SH3BP4: variants seen among roughly 807,000 people sequenced by gnomAD.
The protein encoded by SH3BP4 is SH3 domain binding protein 4.
In SH3BP4, 33 loss-of-function variants were observed where a neutral mutation model predicts 65.5. That is an observed-to-expected ratio of 0.50 (90% CI 0.38 to 0.67). The LOEUF (loss-of-function observed/expected upper bound fraction) is 0.67, where lower values mean the gene tolerates loss of function less well. Ranked by LOEUF, SH3BP4 falls within the 30% of genes least tolerant of loss-of-function variation. The pLI, the probability that SH3BP4 is intolerant of heterozygous loss-of-function variation, is 0.00. For missense variants in SH3BP4, 1,134 were observed against 1,261.4 expected (o/e 0.90, Z 1.53); for synonymous variants, 552 against 545.5 (o/e 1.01, Z -0.17).
chr2:235,040,595 G>T (rs965366506), intron 3 of SH3BP4, among the ~76,000 whole-genome samples: 15 of 151,584 alleles, frequency 9.9e-5, no homozygotes, highest in Admixed American at 8.6e-4. Context: ...AGGGCGTAGG[G>T]CATGTTAAAT....
At chr2:235,037,306 C>G (rs1695417106) in intron 3 of SH3BP4, among the ~76,000 whole-genome samples, 1 of 152,082 alleles carries the variant, frequency 6.6e-6, no homozygotes, top group Non-Finnish European at 1.5e-5. Flanking sequence ...TGGCAGTTGA[C>G]TGATGGAGGG....
intron 2 of SH3BP4, among the ~76,000 whole-genome samples, chr2:234,998,503 T>C (rs1350152695): frequency 1.3e-5 from 2 of 152,262 alleles, no homozygotes; most frequent in Admixed American, 1.3e-4. Context: ...CACGTCAGAC[T>C]GAGGTTCTCC....
At chr2:234,958,417 C>G (rs1324381499) in intron 1 of SH3BP4, among the ~76,000 whole-genome samples, 1 of 152,018 alleles carries the variant, frequency 6.6e-6, no homozygotes. Context: ...CAAGGAGGTG[C>G]TCGCCCTGGG....
chr2:235,041,469 C>A lies in SH3BP4; in HGVS notation c.700C>A (p.Arg234=). 4 of 1,614,204 alleles carry A rather than the reference C, an allele frequency of 2.5e-6. No homozygotes were observed. Among genetic ancestry groups the A allele is most frequent in the Non-Finnish European group, 2.5e-6 (3 of 1,180,034 alleles). Residue 234 remains arginine, a synonymous_variant, in exon 4 of 6, where the codon CGG becomes AGG. Transcript: ENST00000392011. The surrounding 1 kb of genome is among the most constrained non-coding windows in gnomAD (Gnocchi z 6.0). ...NGLHAEPPVR[R]DNPFFRSKRS... ...ACTCCACGCAGAGCCGCCGGTCAGG[C>A]GGGACAACCCCTTCTTCAGAAGCAA...
intron 1 of SH3BP4, among the ~76,000 whole-genome samples, chr2:234,964,012 G>C (rs1692778056): frequency 1.3e-5 from 2 of 152,204 alleles, no homozygotes; most frequent in African/African-American, 4.8e-5. Context: ...TAATTTATGG[G>C]CGGAATATTT....
At chr2:235,013,304 C>G (rs563918713) in intron 2 of SH3BP4, among the ~76,000 whole-genome samples, 323 of 152,260 alleles carry the variant, frequency 2.1e-3, no homozygotes, top group Non-Finnish European at 3.5e-3. Context: ...CCCGTGTTCC[C>G]CACAATCACG....
chr2:235,015,269 T>C (rs1694654132), intron 2 of SH3BP4, among the ~76,000 whole-genome samples: 1 of 152,208 alleles, frequency 6.6e-6, no homozygotes, highest in Non-Finnish European at 1.5e-5. Flanking sequence ...TAAGAGTATG[T>C]CAAACAAACT....
Position 235,034,945 on chromosome 2 carries a change from A to T in SH3BP4, c.-58A>T. On this transcript the variant is annotated 5_prime_UTR_variant, in exon 3 of 6. Coordinates refer to ENST00000392011, the MANE Select transcript of SH3BP4 (RefSeq NM_014521.3). The surrounding 1 kb of genome is among the most constrained non-coding windows in gnomAD (Gnocchi z 6.2). ...GGCAGAAGCTTCAGCATCTGCTGGG[A>T]TAACTGGAGGAAGAAATATGAAGCC... 1 of 1,443,802 alleles carries T rather than the reference A, an allele frequency of 6.9e-7. No homozygotes were observed. The highest frequency in any genetic ancestry group is 1.4e-5 in the African/African-American group (1 of 71,486). 89.4% of individuals were successfully genotyped at this position (1,443,802 alleles called of 1,614,324 possible).
At position 235,010,740 on chromosome 2, in the gene SH3BP4, T is replaced by G. The variant is rs142764469; in HGVS notation, c.-133+15364T>G. The stretch of plus-strand genomic sequence containing the variant: ...ACTCTAGGAGAACCCTTCCCCGCTC[T>G]CCAAGGACAACCCTTCCTCCCTCTC... On this transcript the variant is annotated intron_variant, in intron 2 of 5. Coordinates refer to ENST00000392011, the MANE Select transcript of SH3BP4 (RefSeq NM_014521.3). Among the ~76,000 whole-genome samples the G allele has an allele frequency of 1.7e-4, 26 of 150,822 alleles. 1 individual carries two copies. Among genetic ancestry groups the G allele is most frequent in the African/African-American group, 6.2e-4 (25 of 40,644 alleles).
chr2:235,044,516 G>A (rs6757025), intron 4 of SH3BP4, among the ~76,000 whole-genome samples: 51,484 of 152,128 alleles, frequency 0.34, 8,917 homozygotes, highest in East Asian at 0.56. Context: ...GGAGAGGGGC[G>A]CATTGCTGGT....
rs182595590 is a variant in SH3BP4 at position 235,027,234 on chromosome 2, C to G, written c.-132-7637C>G. On this transcript the variant is annotated intron_variant, in intron 2 of 5. Transcript: ENST00000392011. ...GACCAGTCGGATCAGGACTAGGAGG[C>G]AGATTTCCGTGATTTTGCCTTTGGA... Among the ~76,000 whole-genome samples, 16 of 152,320 alleles carry G rather than the reference C, an allele frequency of 1.1e-4. 1 individual carries two copies. The highest frequency in any genetic ancestry group is 2.0e-4 in the Admixed American group (3 of 15,298).
At chr2:235,029,638 G>T (rs1421109385) in intron 2 of SH3BP4, among the ~76,000 whole-genome samples, 2 of 152,280 alleles carry the variant, frequency 1.3e-5, no homozygotes, top group South Asian at 2.1e-4. Context: ...ATGTTTTATT[G>T]TGCACATTTT....
intron 1 of SH3BP4, among the ~76,000 whole-genome samples, chr2:234,986,328 T>C (rs1481884984): frequency 6.6e-6 from 1 of 152,222 alleles, no homozygotes; most frequent in African/African-American, 2.4e-5. Flanking sequence ...TTCAACATAC[T>C]GATGTTTCCC....
At chr2:234,985,546 C>G (rs1693523372) in intron 1 of SH3BP4, among the ~76,000 whole-genome samples, 1 of 152,128 alleles carries the variant, frequency 6.6e-6, no homozygotes, top group Non-Finnish European at 1.5e-5. Flanking sequence ...ACTCTCTGTG[C>G]ACAGGTGTTT....
rs1490284778 is a variant in SH3BP4 at position 235,042,470 on chromosome 2, C to T, written c.1701C>T (p.Gly567=). The T allele has an allele frequency of 6.2e-7, 1 of 1,614,034 alleles. No individual in the cohort carries two copies. Among genetic ancestry groups the T allele is most frequent in the Non-Finnish European group, 8.5e-7 (1 of 1,180,032 alleles). ...TGCGAGGATTCCAGCTGAAGCTGGGCAAGGTGAGCCGCCTGATCTTCCCCA... is the reference window on the plus strand; with the variant it reads ...TGCGAGGATTCCAGCTGAAGCTGGGTAAGGTGAGCCGCCTGATCTTCCCCA... The part of the protein sequence containing the change: ...KVVRGFQLKL[G]KVSRLIFPIT... The change falls in exon 4 of 6, where the codon GGC becomes GGT. Residue 567 remains glycine, a synonymous_variant. Coordinates refer to ENST00000392011, the MANE Select transcript of SH3BP4 (RefSeq NM_014521.3). The surrounding 1 kb of genome is among the most constrained non-coding windows in gnomAD (Gnocchi z 7.3).
chr2:235,048,011 G>A (rs766566107), intron 4 of SH3BP4, among the ~76,000 whole-genome samples: 51 of 152,184 alleles, frequency 3.4e-4, no homozygotes, highest in South Asian at 6.2e-4. Context: ...TGCATGGGGC[G>A]CATTGGGGCG....
intron 4 of SH3BP4, among the ~76,000 whole-genome samples, chr2:235,044,363 C>T (rs114486294): frequency 0.017 from 2,610 of 152,348 alleles, 82 homozygotes; most frequent in African/African-American, 0.059. Context: ...CGCAGGCAGC[C>T]CCACCGTCAG....
chr2:235,015,295 CTAT>C (rs1241111020), intron 2 of SH3BP4, among the ~76,000 whole-genome samples: 3 of 152,336 alleles, frequency 2.0e-5, no homozygotes, highest in African/African-American at 7.2e-5. Context: ...AGACTTTGAG[CTAT>C]TATTGAGGAA....
Position 234,952,163 on chromosome 2 carries a change from C to G in SH3BP4, c.-214C>G, listed in dbSNP as rs1040790847. 6.7e-6 allele frequency: 1 copy of G among 149,438 alleles called. No individual in the cohort carries two copies. Among genetic ancestry groups the G allele is most frequent in the African/African-American group, 2.4e-5 (1 of 41,056 alleles). 9.3% of individuals were successfully genotyped at this position (149,438 alleles called of 1,614,324 possible). Reference sequence around the variant, plus strand: ...CTCAGGAGCCGGCGGGGACGCCATGCGAGCCAGGTAGGCAGGCGGCGGCGG... The same window carrying G: ...CTCAGGAGCCGGCGGGGACGCCATGGGAGCCAGGTAGGCAGGCGGCGGCGG... On this transcript the variant is annotated 5_prime_UTR_variant, in exon 1 of 6. Coordinates refer to ENST00000392011, the MANE Select transcript of SH3BP4 (RefSeq NM_014521.3). The surrounding 1 kb of genome is among the most constrained non-coding windows in gnomAD (Gnocchi z 6.5).
Sources: allele counts gnomAD v4.1 joint callset (sites outside exome capture counted in the v4.1 genomes callset), GRCh38; gene constraint gnomAD v4.1.1; non-coding constraint Gnocchi (gnomAD v3.1); transcripts MANE v1.5; gene names NCBI Gene and HGNC (gene_info 2026-07-23, HGNC 2026-07-21).